GRM7: variants seen among roughly 807,000 people sequenced by gnomAD.
GRM7 encodes the protein glutamate metabotropic receptor 7, also known as metabotropic glutamate receptor 7.
In GRM7, 35 loss-of-function variants were observed where a neutral mutation model predicts 84.5. That is an observed-to-expected ratio of 0.41 (90% CI 0.32 to 0.55). GRM7 has a LOEUF of 0.55. Among genes scored for constraint, GRM7 ranks in the 20% least tolerant of loss-of-function variants. The pLI is 0.19. For synonymous variants in GRM7, 487 were observed against 455.1 expected (o/e 1.07, Z -0.89); for missense variants, 1,003 against 1,194.6 (o/e 0.84, Z 2.36).
chr3:7,184,705 G>A (rs1695456557), intron 2 of GRM7, among the ~76,000 whole-genome samples: 1 of 152,050 alleles, frequency 6.6e-6, no homozygotes, highest in South Asian at 2.1e-4. Context: ...TATTTAAGCA[G>A]TCTGCTCATA....
At chr3:7,703,612 G>C (rs1366635506) in intron 9 of GRM7, among the ~76,000 whole-genome samples, 1 of 152,084 alleles carries the variant, frequency 6.6e-6, no homozygotes, top group Non-Finnish European at 1.5e-5. Context: ...TAATATGCTT[G>C]AATACTTCTA....
intron 1 of GRM7, among the ~76,000 whole-genome samples, chr3:7,004,656 A>G (rs1271519787): frequency 1.3e-5 from 2 of 152,246 alleles, no homozygotes. Context: ...ATTTTATAAC[A>G]ATTTAAAACA....
chr3:6,986,319 T>C lies in GRM7; in HGVS notation c.519+124412T>C, dbSNP rs547070270. On this transcript the variant is annotated intron_variant, in intron 1 of 9. Transcript: ENST00000357716. ...GGTGATGGTATAACAGGTACATGCA[T>C]ATGTCCAAACTCATCAGATGGTACA... Among the ~76,000 whole-genome samples, 158 of 152,332 alleles carry C rather than the reference T, an allele frequency of 1.0e-3. 1 individual carries two copies. Among genetic ancestry groups the C allele is most frequent in the African/African-American group, 3.6e-3 (148 of 41,578 alleles).
intron 7 of GRM7, among the ~76,000 whole-genome samples, chr3:7,535,078 C>T (rs376216391): frequency 4.6e-5 from 7 of 152,096 alleles, no homozygotes; most frequent in South Asian, 4.1e-4. Context: ...TATGCACTGA[C>T]GGATCAATTG....
chr3:7,638,627 C>T (rs1698215526), intron 8 of GRM7, among the ~76,000 whole-genome samples: 1 of 152,176 alleles, frequency 6.6e-6, no homozygotes, highest in South Asian at 2.1e-4. Context: ...CTGAAATTGG[C>T]ATGCTGTTGC....
intron 1 of GRM7, among the ~76,000 whole-genome samples, chr3:6,916,374 T>C (rs974248687): frequency 2.0e-5 from 3 of 152,164 alleles, no homozygotes; most frequent in African/African-American, 7.2e-5. Context: ...CAAGAAAGAC[T>C]TTTCTAAGTG....
intron 8 of GRM7, among the ~76,000 whole-genome samples, chr3:7,594,074 C>A (rs1432881376): frequency 6.6e-6 from 1 of 152,122 alleles, no homozygotes; most frequent in Non-Finnish European, 1.5e-5. Context: ...GTAAGAAAAT[C>A]TTACAGGTGG....
At chr3:7,036,866 T>A (rs1404464191) in intron 1 of GRM7, among the ~76,000 whole-genome samples, 1 of 152,108 alleles carries the variant, frequency 6.6e-6, no homozygotes, top group Non-Finnish European at 1.5e-5. Context: ...TTCAGGCAAA[T>A]CGTGAACTAT....
chr3:7,377,750 A>G (rs536007320), intron 4 of GRM7, among the ~76,000 whole-genome samples: 1 of 152,348 alleles, frequency 6.6e-6, no homozygotes, highest in South Asian at 2.1e-4. Flanking sequence ...CAACTTGGAA[A>G]GAACATAAAA....
At chr3:7,194,645 G>T (rs1695822247) in intron 2 of GRM7, among the ~76,000 whole-genome samples, 1 of 152,130 alleles carries the variant, frequency 6.6e-6, no homozygotes, top group South Asian at 2.1e-4. Context: ...AGACAGTGCA[G>T]TTAGGATGCC....
intron 7 of GRM7, among the ~76,000 whole-genome samples, chr3:7,554,037 C>T (rs879610601): frequency 1.6e-4 from 24 of 152,240 alleles, no homozygotes; most frequent in East Asian, 5.8e-4. Flanking sequence ...CTCAGTGCAG[C>T]GTTCTAGTGC....
chr3:7,099,441 A>C (rs1481709953), intron 1 of GRM7, among the ~76,000 whole-genome samples: 1 of 149,444 alleles, frequency 6.7e-6, no homozygotes, highest in Non-Finnish European at 1.5e-5. Context: ...TATACATTAT[A>C]CATATGTACA....
At chr3:7,671,325 T>C (rs1699910915) in intron 8 of GRM7, among the ~76,000 whole-genome samples, 1 of 151,998 alleles carries the variant, frequency 6.6e-6, no homozygotes, top group Admixed American at 6.6e-5. Context: ...ATGTGGTCAA[T>C]TGGAATAACA....
At chr3:7,564,080 C>A (rs1018212916) in intron 7 of GRM7, among the ~76,000 whole-genome samples, 1 of 152,080 alleles carries the variant, frequency 6.6e-6, no homozygotes, top group Non-Finnish European at 1.5e-5. Flanking sequence ...GGACCCAACA[C>A]GGATGACTTT....
intron 2 of GRM7, among the ~76,000 whole-genome samples, chr3:7,253,215 C>T (rs1698070241): frequency 6.6e-6 from 1 of 152,010 alleles, no homozygotes; most frequent in African/African-American, 2.4e-5. Context: ...TTACATTGTC[C>T]TCAGTAGTTT....
Position 6,889,259 on chromosome 3 carries a change from C to T in GRM7, c.519+27352C>T, listed in dbSNP as rs577561457. On this transcript the variant is annotated intron_variant, in intron 1 of 9. Transcript: ENST00000357716. ...GCCTGATTGACCTGGCCAGAACTTC[C>T]AACACTATATTGAATAGGAGTGATG... Among the ~76,000 whole-genome samples the T allele has an allele frequency of 4.6e-5, 7 of 152,182 alleles. No homozygotes were observed. The East Asian group carries it at 1.4e-3, about 29-fold the overall frequency.
intron 7 of GRM7, among the ~76,000 whole-genome samples, chr3:7,577,503 C>T (rs184670777): frequency 6.6e-4 from 100 of 152,266 alleles, no homozygotes; most frequent in African/African-American, 2.3e-3. Context: ...AAAGAAAGAG[C>T]AGATGCTGTG....
At chr3:6,883,004 T>C (rs1324235908) in intron 1 of GRM7, among the ~76,000 whole-genome samples, 1 of 152,148 alleles carries the variant, frequency 6.6e-6, no homozygotes, top group Non-Finnish European at 1.5e-5. Flanking sequence ...TATGGAAGAG[T>C]TGCACTACCT....
intron 4 of GRM7, among the ~76,000 whole-genome samples, chr3:7,368,506 G>A (rs1694003174): frequency 6.6e-6 from 1 of 151,946 alleles, no homozygotes; most frequent in Non-Finnish European, 1.5e-5. Context: ...TTTTTCTATT[G>A]AAAATGTAAT....
Sources: allele counts gnomAD v4.1 joint callset (sites outside exome capture counted in the v4.1 genomes callset), GRCh38; gene constraint gnomAD v4.1.1; transcripts MANE v1.5; gene names NCBI Gene and HGNC (gene_info 2026-07-23, HGNC 2026-07-21).